The following KIF26B variants were observed in gnomAD, a reference collection of about 807,000 sequenced individuals.
KIF26B encodes kinesin-like protein KIF26B.
In KIF26B, 63 loss-of-function variants were observed where a neutral mutation model predicts 151.2. The observed-to-expected ratio is 0.42, with a 90% CI of 0.34 to 0.51. KIF26B has a LOEUF of 0.51. Among genes scored for constraint, KIF26B ranks in the 20% least tolerant of loss-of-function variants. The pLI, the probability that KIF26B is intolerant of heterozygous loss-of-function variation, is 0.07. For missense variants in KIF26B, 2,813 were observed against 2,913.6 expected, an observed-to-expected ratio of 0.97 and a Z score of 0.79; for synonymous variants, 1,357 against 1,262.1, an observed-to-expected ratio of 1.08 and a Z score of -1.59.
chr1:245,422,426 G>A (rs1336310460), intron 4 of KIF26B, among the ~76,000 whole-genome samples: 2 of 152,150 alleles, frequency 1.3e-5, no homozygotes, highest in Non-Finnish European at 2.9e-5. Context: ...GGCACCCAAA[G>A]CAGAAGTGTG....
At chr1:245,594,964 CT>C (rs2043325209) in intron 5 of KIF26B, among the ~76,000 whole-genome samples, 1 of 122,394 alleles carries the variant, frequency 8.2e-6, no homozygotes, top group Non-Finnish European at 1.7e-5. Context: ...ATTTGGCTCT[CT>C]GTCTATTACT....
intron 3 of KIF26B, among the ~76,000 whole-genome samples, chr1:245,390,943 A>AACAAAAC (rs1553270125): frequency 5.9e-5 from 7 of 118,458 alleles, no homozygotes; most frequent in African/African-American, 2.9e-4. Flanking sequence ...AAAAAAAAAA[A>AACAAAAC]AAAAAAAAAC....
intron 10 of KIF26B, among the ~76,000 whole-genome samples, chr1:245,661,979 A>G (rs952116941): frequency 7.0e-6 from 1 of 143,822 alleles, no homozygotes; most frequent in Non-Finnish European, 1.5e-5. Context: ...TATATACTCA[A>G]TGACATAAAT....
In KIF26B at chr1:245,248,392, A is replaced by G. The variant is rs995019261; in HGVS notation, c.465+91709A>G. Among the ~76,000 whole-genome samples, 5 of 152,318 alleles carry G rather than the reference A, an allele frequency of 3.3e-5. No individual in the cohort carries two copies. In the East Asian group the frequency reaches 9.6e-4, roughly 29 times the overall value. ...CCTTCTAGATTTCTCACACTCCTCC[A>G]GAGTTGCATTCTGCTTCCGTAACTG... On this transcript the variant is annotated intron_variant, in intron 2 of 14. Coordinates refer to ENST00000407071, the MANE Select transcript of KIF26B (RefSeq NM_018012.4).
At chr1:245,524,602 A>G (rs1475515902) in intron 4 of KIF26B, among the ~76,000 whole-genome samples, 1 of 152,210 alleles carries the variant, frequency 6.6e-6, no homozygotes, top group Non-Finnish European at 1.5e-5. Flanking sequence ...GATGAAGGAT[A>G]TCTTCTTTAA....
intron 5 of KIF26B, among the ~76,000 whole-genome samples, chr1:245,562,764 G>A (rs1572129433): frequency 6.6e-6 from 1 of 152,244 alleles, no homozygotes; most frequent in South Asian, 2.1e-4. Flanking sequence ...CTGGAGGGCA[G>A]TGGTGCAGTC....
chr1:245,179,972 G>C (rs1342234977), intron 2 of KIF26B, among the ~76,000 whole-genome samples: 1 of 152,146 alleles, frequency 6.6e-6, no homozygotes, highest in Non-Finnish European at 1.5e-5. Flanking sequence ...GGCAGCGCCT[G>C]GGGGGCCTGG....
At chr1:245,678,646 G>A (rs546760397) in intron 10 of KIF26B, among the ~76,000 whole-genome samples, 7 of 152,024 alleles carry the variant, frequency 4.6e-5, no homozygotes, top group African/African-American at 9.7e-5. Context: ...GGAGGATCAC[G>A]AGGTCAGGAG....
At chr1:245,174,581 G>A (rs903626356) in intron 2 of KIF26B, among the ~76,000 whole-genome samples, 9 of 152,140 alleles carry the variant, frequency 5.9e-5, no homozygotes, top group African/African-American at 1.7e-4. Context: ...ATCATAGCTC[G>A]CTGTAACCTC....
intron 2 of KIF26B, among the ~76,000 whole-genome samples, chr1:245,242,363 A>C (rs1427939416): frequency 6.6e-6 from 1 of 152,226 alleles, no homozygotes; most frequent in Non-Finnish European, 1.5e-5. Context: ...TGAGGCGCTC[A>C]GGGTGCCCTT....
At chr1:245,684,705 G>A (rs2044486934) in intron 11 of KIF26B, among the ~76,000 whole-genome samples, 1 of 152,234 alleles carries the variant, frequency 6.6e-6, no homozygotes, top group Non-Finnish European at 1.5e-5. Context: ...ACGTTGGAGG[G>A]ATGGAAAATA....
rs549770854 is a variant in KIF26B at position 245,276,608 on chromosome 1, G to A, written c.466-90226G>A. ...ACTATGATCCAGTCTACTCTTCCCC[G>A]CTCCCGGGAGAAGCGAGGAGCTGGC... is the stretch of plus-strand genomic sequence containing the variant. On this transcript the variant is annotated intron_variant, in intron 2 of 14. Transcript: ENST00000407071. Among the ~76,000 whole-genome samples, 4 of 152,208 alleles carry A rather than the reference G, an allele frequency of 2.6e-5. No homozygotes were observed. In the South Asian group the frequency reaches 8.3e-4, roughly 32 times the overall value.
intron 2 of KIF26B, among the ~76,000 whole-genome samples, chr1:245,309,555 T>C (rs1032266590): frequency 6.6e-6 from 1 of 151,922 alleles, no homozygotes; most frequent in Non-Finnish European, 1.5e-5. Flanking sequence ...GGTGATAGTC[T>C]CTCTTGGGTC....
intron 4 of KIF26B, among the ~76,000 whole-genome samples, chr1:245,490,404 C>T (rs543339745): frequency 3.4e-5 from 5 of 148,824 alleles, no homozygotes; most frequent in East Asian, 2.0e-4. Flanking sequence ...CTCCGCCTCC[C>T]GGGTTCAAGT....
chr1:245,678,022 C>T (rs2044376766), intron 10 of KIF26B, among the ~76,000 whole-genome samples: 1 of 152,202 alleles, frequency 6.6e-6, no homozygotes, highest in Admixed American at 6.5e-5. Flanking sequence ...GCTTGGGACC[C>T]TGGTCCCTGG....
chr1:245,157,454 G>C (rs1668457687), intron 2 of KIF26B, among the ~76,000 whole-genome samples: 1 of 152,252 alleles, frequency 6.6e-6, no homozygotes, highest in African/African-American at 2.4e-5. Flanking sequence ...GTGGATTGCT[G>C]TAGAGGTTTT....
intron 2 of KIF26B, among the ~76,000 whole-genome samples, chr1:245,291,608 G>A (rs7411459): frequency 1 from 152,004 of 152,282 alleles, 75,864 homozygotes; most frequent in Non-Finnish European, 1. Context: ...CACACCCGAC[G>A]GGACCACAGC....
intron 5 of KIF26B, among the ~76,000 whole-genome samples, chr1:245,556,538 TA>T: frequency 6.6e-6 from 1 of 152,294 alleles, no homozygotes; most frequent in East Asian, 1.9e-4. Context: ...TAGCTGGGAC[TA>T]CCAGCATGCA....
chr1:245,455,629 C>A (rs1659501562), intron 4 of KIF26B, among the ~76,000 whole-genome samples: 1 of 152,228 alleles, frequency 6.6e-6, no homozygotes, highest in Non-Finnish European at 1.5e-5. Context: ...CTCTCTTTAG[C>A]TGCCTTCTTC....
Sources: allele counts gnomAD v4.1 joint callset (sites outside exome capture counted in the v4.1 genomes callset), GRCh38; gene constraint gnomAD v4.1.1; transcripts MANE v1.5; gene names NCBI Gene and HGNC (gene_info 2026-07-23, HGNC 2026-07-21).